Variants in PCID2 observed in about 807,000 individuals in gnomAD.
PCID2 encodes the protein PCI domain-containing protein 2.
A neutral mutation model predicts 61.3 loss-of-function variants in PCID2; 41 were observed. The observed-to-expected ratio is 0.67, with a 90% CI of 0.52 to 0.87. The LOEUF (loss-of-function observed/expected upper bound fraction) is 0.87. Ranked by LOEUF, PCID2 falls within the 40% of genes least tolerant of loss-of-function variation. The probability of loss-of-function intolerance (pLI) is 0.00; values close to 1 mark genes in which losing one functional copy is unlikely to be tolerated. For missense variants in PCID2, 392 were observed against 493.4 expected, an observed-to-expected ratio of 0.79 and a Z score of 1.95; for synonymous variants, 187 against 177.8, an observed-to-expected ratio of 1.05 and a Z score of -0.41.
chr13:113,171,884 G>A, the PCID2 span: 26 of 1,613,564 alleles, frequency 1.6e-5, no homozygotes, highest in Middle Eastern at 1.6e-4. This position sits in a 1 kb window ranked among gnomAD's most constrained non-coding sequence, Gnocchi z 5.1. Context: ...GGAGGAGTGC[G>A]GGCAGGTCCT....
At position 113,180,348 on chromosome 13, in the gene PCID2, G is replaced by A. The variant is rs2037521980; in HGVS notation, c.787-117C>T. The A allele has an allele frequency of 3.2e-5, 24 of 755,664 alleles. No individual in the cohort carries two copies. In the East Asian group the frequency reaches 6.2e-4, roughly 19 times the overall value. The allele number at this position is 755,664 out of a possible 1,614,324, so 46.8% of individuals were successfully genotyped here. A position where few individuals can be genotyped will look rare whatever the true frequency, so the allele number is the denominator to read the frequency against. On this transcript the variant is annotated intron_variant, in intron 10 of 13. Coordinates refer to ENST00000337344, the MANE Select transcript of PCID2 (RefSeq NM_001127202.4). ...AATTGCAACCTGAGTTTCTTAGAATGTCCATGGATTAAACACATCATAGTA... is the reference window on the plus strand; with the variant it reads ...AATTGCAACCTGAGTTTCTTAGAATATCCATGGATTAAACACATCATAGTA...
chr13:113,175,807 T>G (rs1313611301), downstream of PCID2, among the ~76,000 whole-genome samples: 1 of 152,260 alleles, frequency 6.6e-6, no homozygotes, highest in Admixed American at 6.5e-5. Flanking sequence ...GGAATCCGGG[T>G]GTGACTTAGG....
downstream of PCID2, among the ~76,000 whole-genome samples, chr13:113,173,478 A>C (rs1230814754): frequency 1.3e-5 from 2 of 152,246 alleles, no homozygotes; most frequent in Non-Finnish European, 2.9e-5. Flanking sequence ...GAGGACTTTT[A>C]AAAAGAGGAA....
the PCID2 span, chr13:113,171,450 G>C: frequency 2.1e-6 from 2 of 935,986 alleles, no homozygotes; most frequent in African/African-American, 1.6e-5. The surrounding 1 kb of genome is among the most constrained non-coding windows in gnomAD (Gnocchi z 5.1). Flanking sequence ...GAAAGGCACA[G>C]TGTCCACACC....
At chr13:113,170,368 T>A in the PCID2 span, 1 of 1,252,556 alleles carries the variant, frequency 8.0e-7, no homozygotes, top group Non-Finnish European at 1.2e-6. Context: ...CCCCTAATCC[T>A]GCAAATTGTC....
At chr13:113,199,419 C>G (rs1194510666) in intron 2 of PCID2, among the ~76,000 whole-genome samples, 1 of 152,234 alleles carries the variant, frequency 6.6e-6, no homozygotes, top group South Asian at 2.1e-4. Flanking sequence ...TATAAGCACA[C>G]TGCGTTTTTT....
Position 113,197,175 on chromosome 13 carries a change from T to C in PCID2, c.266+3A>G, listed in dbSNP as rs2039079758. On this transcript the variant is annotated splice_donor_region_variant and intron_variant, in intron 4 of 13. Coordinates refer to ENST00000337344, the MANE Select transcript of PCID2 (RefSeq NM_001127202.4). ...GACAGCTGCCATGAACGACAAAGGA[T>C]ATTGGACTATCACGGTCTGGCACTT... is the stretch of plus-strand genomic sequence containing the variant. 1 of 1,614,054 alleles carries C rather than the reference T, an allele frequency of 6.2e-7. No individual in the cohort carries two copies. The highest frequency in any genetic ancestry group is 1.3e-5 in the African/African-American group (1 of 74,926).
At chr13:113,172,279 G>A in the PCID2 span, 1 of 813,344 alleles carries the variant, frequency 1.2e-6, no homozygotes, top group Non-Finnish European at 2.0e-6. Context: ...TGTTTACCGA[G>A]CACTGTGACC....
the PCID2 span, chr13:113,171,601 C>T: frequency 6.2e-7 from 1 of 1,614,118 alleles, no homozygotes; most frequent in Admixed American, 1.7e-5. This position sits in a 1 kb window ranked among gnomAD's most constrained non-coding sequence, Gnocchi z 5.1. Context: ...CAGATTTTAA[C>T]AGAACGAGCC....
rs372005001 is a variant in PCID2, at chr13:113,182,768, G to A, written c.686-1538C>T. On this transcript the variant is annotated intron_variant, in intron 9 of 13. Coordinates refer to ENST00000337344, the MANE Select transcript of PCID2 (RefSeq NM_001127202.4). ...CTCCCAAAATGCTGGGATTACAGGC[G>A]TGAGCCACCGCGCCCGGCCAAAAAA... Among the ~76,000 whole-genome samples the A allele has an allele frequency of 5.3e-5, 8 of 152,256 alleles. No homozygotes were observed. The East Asian group carries it at 1.2e-3, about 22-fold the overall frequency.
the PCID2 span, among the ~76,000 whole-genome samples, chr13:113,169,952 T>C: frequency 0.71 from 107,464 of 152,168 alleles, 38,708 homozygotes; most frequent in Middle Eastern, 0.81. Flanking sequence ...CCAGCCACTG[T>C]GGCCTCCCTG....
At chr13:113,176,480 A>G, downstream of PCID2, among the ~76,000 whole-genome samples, 4 of 152,302 alleles carry the variant, frequency 2.6e-5, no homozygotes, top group South Asian at 2.1e-4. Context: ...AGAGGAAGAG[A>G]GCCGGGTGTG....
intron 2 of PCID2, among the ~76,000 whole-genome samples, chr13:113,199,748 AAT>A (rs2039279522): frequency 6.6e-6 from 1 of 152,192 alleles, no homozygotes; most frequent in Non-Finnish European, 1.5e-5. Context: ...CTACACATAG[AAT>A]CACCTAGGTA....
chr13:113,172,282 C>T, the PCID2 span: 6 of 779,940 alleles, frequency 7.7e-6, no homozygotes, highest in Non-Finnish European at 1.2e-5. Context: ...TTACCGAGCA[C>T]TGTGACCTTT....
chr13:113,190,403 G>GA (rs1380161177), intron 7 of PCID2, among the ~76,000 whole-genome samples: 5 of 152,134 alleles, frequency 3.3e-5, no homozygotes, highest in African/African-American at 9.6e-5. Context: ...GTGCCAAAAG[G>GA]AAAAAACTGT....
At chr13:113,196,726 A>T (rs957831895) in intron 4 of PCID2, among the ~76,000 whole-genome samples, 2 of 152,258 alleles carry the variant, frequency 1.3e-5, no homozygotes, top group Non-Finnish European at 2.9e-5. Flanking sequence ...TCAGGCCGTA[A>T]CTAAAGATAC....
intron 1 of PCID2, among the ~76,000 whole-genome samples, chr13:113,204,093 G>A (rs187270289): frequency 6.6e-6 from 1 of 152,362 alleles, no homozygotes; most frequent in African/African-American, 2.4e-5. Flanking sequence ...CAAGCTAAGA[G>A]TTCCCCACAG....
intron 7 of PCID2, chr13:113,188,143 T>TGA (rs1275302913): frequency 1.3e-5 from 2 of 151,452 alleles, no homozygotes; most frequent in Non-Finnish European, 3.0e-5. Context: ...AGTCCAGCAG[T>TGA]GAGAGGCTTT....
chr13:113,176,421 A>C (rs1285365302), downstream of PCID2, among the ~76,000 whole-genome samples: 1 of 3,702 alleles, frequency 2.7e-4, no homozygotes, highest in African/African-American at 3.1e-4. Flanking sequence ...CTAAGGCTAA[A>C]TGTGGTCATA....
Sources: allele counts gnomAD v4.1 joint callset (sites outside exome capture counted in the v4.1 genomes callset), GRCh38; gene constraint gnomAD v4.1.1; non-coding constraint Gnocchi (gnomAD v3.1); transcripts MANE v1.5; gene names NCBI Gene and HGNC (gene_info 2026-07-23, HGNC 2026-07-21).